Variants in NUBPL observed in about 807,000 individuals in gnomAD.
The protein encoded by NUBPL is NUBP iron-sulfur cluster assembly factor, mitochondrial, also known as iron-sulfur cluster transfer protein NUBPL.
Under a neutral mutation model 45.7 loss-of-function variants are expected in NUBPL, and 31 were observed. The ratio of observed to expected loss-of-function variants is 0.68; its 90% CI spans 0.51 to 0.92. NUBPL has a LOEUF of 0.92. Among genes scored for constraint, NUBPL ranks in the 40% least tolerant of loss-of-function variants. The pLI is 0.00. For missense variants in NUBPL, 401 were observed against 398.7 expected, an observed-to-expected ratio of 1.01 and a Z score of -0.05; for synonymous variants, 144 against 140.9, an observed-to-expected ratio of 1.02 and a Z score of -0.15.
intron 6 of NUBPL, among the ~76,000 whole-genome samples, chr14:31,694,863 T>A (rs1416549261): frequency 6.6e-6 from 1 of 152,212 alleles, no homozygotes; most frequent in Non-Finnish European, 1.5e-5. Context: ...ATTGGTTAGA[T>A]GTTGAGGTTA....
intron 7 of NUBPL, among the ~76,000 whole-genome samples, chr14:31,790,520 C>A (rs941481407): frequency 1.3e-5 from 2 of 152,130 alleles, no homozygotes; most frequent in African/African-American, 4.8e-5. Context: ...ATCACCAGAG[C>A]CTTCATCTTC....
intron 4 of NUBPL, among the ~76,000 whole-genome samples, chr14:31,608,888 T>C (rs1437563407): frequency 6.6e-6 from 1 of 152,030 alleles, no homozygotes; most frequent in Admixed American, 6.6e-5. Context: ...TCAGATAGAA[T>C]TGCAAGCCTC....
At chr14:31,681,489 A>C (rs1350043013) in intron 6 of NUBPL, among the ~76,000 whole-genome samples, 1 of 151,154 alleles carries the variant, frequency 6.6e-6, no homozygotes, top group Non-Finnish European at 1.5e-5. Flanking sequence ...TTTTTTTCAA[A>C]AAAACCGACT....
At chr14:31,666,246 TATATATATATATATA>T (rs1566487021) in intron 4 of NUBPL, among the ~76,000 whole-genome samples, 1,625 of 32,696 alleles carry the variant, frequency 0.05, 107 homozygotes, top group African/African-American at 0.18. Context: ...TATATATATA[TATATATATATATATA>T]TAATTTTATT....
rs115756062 is a variant in NUBPL at position 31,693,771 on chromosome 14, G to A, written c.513+20197G>A. Among the ~76,000 whole-genome samples the A allele has an allele frequency of 6.3e-3, 922 of 146,786 alleles. 10 individuals carry two copies. The highest frequency in any genetic ancestry group is 0.022 in the African/African-American group (862 of 39,516). ...AATTCAGTTTTCAGTTGGACAGGGC[G>A]GTAGCCTTTTAGGCACCTAAGACAA... is the stretch of plus-strand genomic sequence containing the variant. On this transcript the variant is annotated intron_variant, in intron 6 of 10. Transcript: ENST00000281081.
intron 6 of NUBPL, among the ~76,000 whole-genome samples, chr14:31,752,755 C>G (rs916548115): frequency 1.3e-5 from 2 of 152,200 alleles, no homozygotes; most frequent in African/African-American, 4.8e-5. Context: ...TACCAATTTC[C>G]TGTATTAGTC....
At chr14:31,571,901 A>G (rs1472258159) in intron 3 of NUBPL, among the ~76,000 whole-genome samples, 1 of 152,154 alleles carries the variant, frequency 6.6e-6, no homozygotes. Flanking sequence ...TGTGCTTTCC[A>G]TGGACTATTT....
At chr14:31,574,947 C>T (rs568601783) in intron 3 of NUBPL, among the ~76,000 whole-genome samples, 2 of 152,248 alleles carry the variant, frequency 1.3e-5, no homozygotes, top group South Asian at 4.1e-4. Flanking sequence ...TACAAGGAAT[C>T]ATTAACCAGA....
intron 4 of NUBPL, among the ~76,000 whole-genome samples, chr14:31,610,531 A>G (rs1234798572): frequency 1.3e-5 from 2 of 150,268 alleles, no homozygotes; most frequent in Non-Finnish European, 3.0e-5. Flanking sequence ...TCTGAAAAAC[A>G]GAGGAGGAGG....
intron 8 of NUBPL, 50 bp from the exon 9 acceptor site, chr14:31,846,421 A>G: frequency 6.7e-7 from 1 of 1,489,092 alleles, no homozygotes; most frequent in South Asian, 1.2e-5. Context: ...GAAGTAATGT[A>G]TTAATATTTG....
chr14:31,675,368 T>G (rs1177777513), intron 6 of NUBPL, among the ~76,000 whole-genome samples: 1 of 152,242 alleles, frequency 6.6e-6, no homozygotes, highest in Non-Finnish European at 1.5e-5. Flanking sequence ...ACACTGGGAC[T>G]AATGCTGATC....
chr14:31,563,965 A>G (rs2033367704), intron 2 of NUBPL, among the ~76,000 whole-genome samples: 1 of 152,204 alleles, frequency 6.6e-6, no homozygotes. Context: ...AGAAGAGAAA[A>G]CAGACTTATG....
chr14:31,602,328 A>C (rs977512964), intron 4 of NUBPL, among the ~76,000 whole-genome samples: 6 of 151,814 alleles, frequency 4.0e-5, no homozygotes, highest in African/African-American at 1.5e-4. Flanking sequence ...AGCATGGCAC[A>C]TGTATACATA....
At chr14:31,709,713 A>C (rs2037528565) in intron 6 of NUBPL, among the ~76,000 whole-genome samples, 1 of 152,218 alleles carries the variant, frequency 6.6e-6, no homozygotes, top group African/African-American at 2.4e-5. Context: ...TTTAAATCAG[A>C]GAGGGAGAAG....
chr14:31,804,928 G>A (rs2039656169), intron 7 of NUBPL, among the ~76,000 whole-genome samples: 1 of 151,976 alleles, frequency 6.6e-6, no homozygotes, highest in South Asian at 2.1e-4. Flanking sequence ...GCAAAAATTG[G>A]CAAAAGGGAT....
At chr14:31,728,480 A>T (rs1476059652) in intron 6 of NUBPL, among the ~76,000 whole-genome samples, 2 of 152,128 alleles carry the variant, frequency 1.3e-5, no homozygotes, top group African/African-American at 4.8e-5. Flanking sequence ...TACCAAGTAG[A>T]CGCATTAAGT....
rs2040698840 is a variant in NUBPL at position 31,860,648 on chromosome 14, G to A, written c.*1468G>A. 1 of 152,100 alleles carries A rather than the reference G, an allele frequency of 6.6e-6. No homozygotes were observed. The highest frequency in any genetic ancestry group is 1.5e-5 in the Non-Finnish European group (1 of 68,026). 9.4% of individuals were successfully genotyped at this position (152,100 alleles called of 1,614,324 possible). On this transcript the variant is annotated 3_prime_UTR_variant, in exon 11 of 11. Coordinates refer to ENST00000281081, the MANE Select transcript of NUBPL (RefSeq NM_025152.3). Reference sequence around the variant, plus strand: ...GTTGTCAACTAGAAAATTAGGCATAGAGTTTCACATTATTATAAGCATGTT... The same window carrying A: ...GTTGTCAACTAGAAAATTAGGCATAAAGTTTCACATTATTATAAGCATGTT...
chr14:31,812,520 A>G (rs1213098781), intron 7 of NUBPL, among the ~76,000 whole-genome samples: 2 of 152,080 alleles, frequency 1.3e-5, no homozygotes, highest in Non-Finnish European at 2.9e-5. Flanking sequence ...CAGTGTCCTG[A>G]TTTTCCCGGT....
intron 4 of NUBPL, among the ~76,000 whole-genome samples, chr14:31,637,932 A>G (rs576304736): frequency 6.6e-6 from 1 of 151,588 alleles, no homozygotes; most frequent in Non-Finnish European, 1.5e-5. Flanking sequence ...TTTATTTTCC[A>G]TTTGCTTGGT....
Sources: gnomAD v4.1 joint callset for allele counts (sites outside exome capture counted in the v4.1 genomes callset) on GRCh38, gnomAD v4.1.1 for gene constraint, MANE v1.5 for transcripts, NCBI Gene and HGNC (gene_info 2026-07-23, HGNC 2026-07-21) for gene names.